Variants in GSTA4 observed in about 807,000 individuals in gnomAD.
The protein encoded by GSTA4 is glutathione S-transferase alpha 4.
Under a neutral mutation model 24.4 loss-of-function variants are expected in GSTA4, and 15 were observed. The observed-to-expected ratio is 0.61, with a 90% CI of 0.41 to 0.95. The LOEUF (loss-of-function observed/expected upper bound fraction) is 0.95. Ranked by LOEUF, GSTA4 falls within the 40% of genes least tolerant of loss-of-function variation. The pLI, the probability that GSTA4 is intolerant of heterozygous loss-of-function variation, is 0.00. For synonymous variants in GSTA4, 92 were observed against 94.2 expected (o/e 0.98, Z 0.13); for missense variants, 244 against 262.1 (o/e 0.93, Z 0.48).
At chr6:52,986,954 A>AC (rs1763572925) in intron 3 of GSTA4, among the ~76,000 whole-genome samples, 1 of 152,164 alleles carries the variant, frequency 6.6e-6, no homozygotes, top group South Asian at 2.1e-4. Flanking sequence ...TTCAGAAAGT[A>AC]CCCCATGTAA....
intron 6 of GSTA4, among the ~76,000 whole-genome samples, chr6:52,979,560 T>G (rs1179908796): frequency 1.3e-5 from 2 of 152,236 alleles, no homozygotes; most frequent in South Asian, 2.1e-4. Context: ...GCCCATTTGA[T>G]CTAATGAAAA....
chr6:52,985,908 G>A (rs45444294), intron 3 of GSTA4, among the ~76,000 whole-genome samples: 21 of 152,094 alleles, frequency 1.4e-4, no homozygotes, highest in African/African-American at 3.4e-4. Context: ...AAAATTAGCC[G>A]GGTGTGGTAG....
chr6:52,995,144 G>C lies in GSTA4; in HGVS notation c.-19+105C>G, dbSNP rs1478949773. 4 of 153,064 alleles carry C rather than the reference G, an allele frequency of 2.6e-5. No homozygotes were observed. The South Asian group carries it at 8.3e-4, about 32-fold the overall frequency. 9.5% of individuals were successfully genotyped at this position (153,064 alleles called of 1,614,324 possible). A position where few individuals can be genotyped will look rare whatever the true frequency, so the allele number is the denominator to read the frequency against. On this transcript the variant is annotated intron_variant, in intron 1 of 6. Transcript: ENST00000370963. ...AAGACAAGAGAAGGACTGAACTGGG[G>C]GAGTGAGGGAAGAATGCGAGAGTGA... is the stretch of plus-strand genomic sequence containing the variant.
intron 2 of GSTA4, chr6:52,993,889 A>T (rs1763710618): frequency 2.0e-6 from 1 of 496,656 alleles, no homozygotes; most frequent in East Asian, 4.1e-5. Flanking sequence ...ATTTTCAGGT[A>T]AATTTCCTTT....
At chr6:52,980,598 C>T (rs953190514) in intron 6 of GSTA4, among the ~76,000 whole-genome samples, 3 of 152,160 alleles carry the variant, frequency 2.0e-5, no homozygotes, top group Admixed American at 2.0e-4. Context: ...GCCACTGCGC[C>T]CGGCCTAGAT....
chr6:52,980,808 A>G lies in GSTA4; in HGVS notation c.546+1766T>C, dbSNP rs1398064364. The stretch of plus-strand genomic sequence containing the variant: ...CAGTCTTGCAACTATGCAGAATGTA[A>G]TGTTTCCAAGCTGGTAATTTTCATC... On this transcript the variant is annotated intron_variant, in intron 6 of 6. Coordinates refer to ENST00000370963, the MANE Select transcript of GSTA4 (RefSeq NM_001512.4). 2.0e-5 allele frequency among the ~76,000 whole-genome samples: 3 copies of G among 152,304 alleles called. No homozygotes were observed. In the East Asian group the frequency reaches 5.8e-4, roughly 29 times the overall value.
chr6:52,993,617 G>T (rs1244436107), intron 2 of GSTA4, among the ~76,000 whole-genome samples: 1 of 152,240 alleles, frequency 6.6e-6, no homozygotes, highest in African/African-American at 2.4e-5. Context: ...GAAGGGAGGT[G>T]ATAGATGAAA....
At chr6:52,979,450 T>C (rs975647184) in intron 6 of GSTA4, among the ~76,000 whole-genome samples, 1 of 152,342 alleles carries the variant, frequency 6.6e-6, no homozygotes, top group South Asian at 2.1e-4. Flanking sequence ...AGCCTCTGGC[T>C]CAGATACCAG....
Position 52,985,564 on chromosome 6 carries a change from T to C in GSTA4, c.159A>G (p.Gln53=), listed in dbSNP as rs773828974. 1.2e-6 allele frequency: 2 copies of C among 1,614,096 alleles called. No individual in the cohort carries two copies. Residue 53 remains glutamine (Q), a synonymous_variant, in exon 4 of 7, where the codon CAA becomes CAG. Transcript: ENST00000370963. ...KLQDGNHLLF[Q]QVPMVEIDGM... ...CGTCAATTTCAACCATGGGCACTTG[T>C]TGGAACAGCAGGTGGTTACCTGAGA...
intron 3 of GSTA4, among the ~76,000 whole-genome samples, chr6:52,986,649 G>C (rs1763566057): frequency 6.6e-6 from 1 of 152,176 alleles, no homozygotes; most frequent in Non-Finnish European, 1.5e-5. Context: ...GCAGGTGAGG[G>C]GAGAGGCAAG....
At chr6:52,993,964 G>GAA (rs1267967123) in intron 2 of GSTA4, 193 bp downstream of exon 2, 1 of 680,004 alleles carries the variant, frequency 1.5e-6, no homozygotes, top group Non-Finnish European at 2.7e-6. Context: ...AAGTCAAAAG[G>GAA]AAAATAGAAT....
intron 3 of GSTA4, 135 bp from the exon 4 acceptor site, chr6:52,985,718 T>C: frequency 1.1e-6 from 1 of 905,370 alleles, no homozygotes; most frequent in Non-Finnish European, 1.7e-6. Flanking sequence ...AGATGACAGA[T>C]AACCTTAACT....
chr6:52,989,639 C>A (rs1008915771), intron 2 of GSTA4, among the ~76,000 whole-genome samples: 1 of 152,158 alleles, frequency 6.6e-6, no homozygotes, highest in African/African-American at 2.4e-5. Context: ...AGCCTCAATG[C>A]TCCCAGAGGA....
At chr6:52,992,201 C>T (rs1383794864) in intron 2 of GSTA4, among the ~76,000 whole-genome samples, 1 of 152,044 alleles carries the variant, frequency 6.6e-6, no homozygotes, top group Non-Finnish European at 1.5e-5. Context: ...AAAAGGTAAA[C>T]CTGAAAGAGC....
intron 2 of GSTA4, among the ~76,000 whole-genome samples, chr6:52,988,595 G>A (rs927564926): frequency 2.2e-4 from 33 of 152,122 alleles, no homozygotes; most frequent in African/African-American, 7.0e-4. Context: ...CGAACATAAT[G>A]GCCTGGACTT....
At chr6:52,979,802 T>C (rs908513195) in intron 6 of GSTA4, among the ~76,000 whole-genome samples, 2 of 152,224 alleles carry the variant, frequency 1.3e-5, no homozygotes, top group Admixed American at 6.5e-5. Context: ...ATTAATTATA[T>C]ATAAATATGA....
At chr6:52,984,318 T>A (rs1763508730) in intron 5 of GSTA4, 146 bp downstream of exon 5, 1 of 677,386 alleles carries the variant, frequency 1.5e-6, no homozygotes, top group African/African-American at 1.8e-5. Flanking sequence ...CTGTGGCTAC[T>A]ATTCGCTCTT....
chr6:52,992,054 G>A (rs1763671894), intron 2 of GSTA4, among the ~76,000 whole-genome samples: 1 of 143,012 alleles, frequency 7.0e-6, no homozygotes, highest in East Asian at 1.9e-4. Context: ...CGTGCCGGCT[G>A]GTTAATACCA....
intron 6 of GSTA4, 152 bp from the exon 7 acceptor site, chr6:52,978,744 G>T: frequency 1.7e-6 from 1 of 576,410 alleles, no homozygotes. Context: ...TGTTTAGCAG[G>T]GGTGTCCAAT....
Sources: gnomAD v4.1 joint callset for allele counts (sites outside exome capture counted in the v4.1 genomes callset) on GRCh38, gnomAD v4.1.1 for gene constraint, MANE v1.5 for transcripts, NCBI Gene and HGNC (gene_info 2026-07-23, HGNC 2026-07-21) for gene names.